The following SPIRE1 variants were observed in gnomAD, a reference collection of about 807,000 sequenced individuals.
The protein encoded by SPIRE1 is spire type actin nucleation factor 1, also known as protein spire homolog 1.
SPIRE1 carries 40 observed loss-of-function variants against 94.1 expected under a neutral mutation model. The observed-to-expected ratio is 0.43, with a 90% CI of 0.33 to 0.55. The LOEUF (loss-of-function observed/expected upper bound fraction) is 0.55. SPIRE1 is among the 20% of genes least tolerant of loss of function. SPIRE1 has a pLI of 0.06. For synonymous variants in SPIRE1, 376 were observed against 371.7 expected (o/e 1.01, Z -0.13); for missense variants, 838 against 975.2 (o/e 0.86, Z 1.87).
chr18:12,634,753 G>A (rs1208882180), intron 2 of SPIRE1, among the ~76,000 whole-genome samples: 3 of 152,030 alleles, frequency 2.0e-5, no homozygotes, highest in Non-Finnish European at 4.4e-5. Flanking sequence ...TGGCCAACAT[G>A]GTGAAACCCC....
intron 2 of SPIRE1, among the ~76,000 whole-genome samples, chr18:12,556,473 T>C (rs2035507650): frequency 6.6e-6 from 1 of 152,238 alleles, no homozygotes; most frequent in South Asian, 2.1e-4. Context: ...ACTTCAAGAA[T>C]GAAGCTGCGG....
intron 4 of SPIRE1, among the ~76,000 whole-genome samples, chr18:12,518,474 A>G (rs1012579615): frequency 6.7e-6 from 1 of 148,186 alleles, no homozygotes; most frequent in African/African-American, 2.4e-5. Flanking sequence ...TCTGGGCAAA[A>G]GAGCAAGACC....
At chr18:12,616,910 A>C (rs2037323619) in intron 2 of SPIRE1, among the ~76,000 whole-genome samples, 1 of 152,044 alleles carries the variant, frequency 6.6e-6, no homozygotes, top group South Asian at 2.1e-4. Flanking sequence ...CCCAGGCTGG[A>C]GTGCAGTGGT....
intron 2 of SPIRE1, among the ~76,000 whole-genome samples, chr18:12,602,105 T>C (rs2036850570): frequency 6.6e-6 from 1 of 152,138 alleles, no homozygotes; most frequent in Admixed American, 6.5e-5. Context: ...TTTACATAAA[T>C]ACATAGACAT....
At chr18:12,615,076 G>C (rs1219252399) in intron 2 of SPIRE1, among the ~76,000 whole-genome samples, 1 of 151,302 alleles carries the variant, frequency 6.6e-6, no homozygotes, top group Admixed American at 6.6e-5. Flanking sequence ...TGTAATCCTA[G>C]CACTTTGGGA....
At chr18:12,652,227 A>G (rs2038399604) in intron 1 of SPIRE1, among the ~76,000 whole-genome samples, 1 of 152,038 alleles carries the variant, frequency 6.6e-6, no homozygotes, top group African/African-American at 2.4e-5. Flanking sequence ...CCTTCTAAAG[A>G]CCCTGTATAC....
At chr18:12,595,231 AG>A (rs1464757807) in intron 2 of SPIRE1, among the ~76,000 whole-genome samples, 2 of 152,198 alleles carry the variant, frequency 1.3e-5, no homozygotes, top group African/African-American at 4.8e-5. Flanking sequence ...ACCTGAGCCC[AG>A]GAAGTTGAGG....
intron 12 of SPIRE1, among the ~76,000 whole-genome samples, chr18:12,460,450 C>T (rs1026122146): frequency 1.3e-5 from 2 of 152,188 alleles, no homozygotes; most frequent in Admixed American, 6.5e-5. Context: ...CAGTGGCTCA[C>T]GCCTGTAATC....
In SPIRE1 at chr18:12,479,866, T is replaced by A; in HGVS notation, c.1237A>T (p.Thr413Ser). 6.2e-7 allele frequency: 1 copy of A among 1,611,818 alleles called. No homozygotes were observed. Among genetic ancestry groups the A allele is most frequent in the Non-Finnish European group, 8.5e-7 (1 of 1,179,440 alleles). Reference sequence around the variant, plus strand: ...AGATTCTTTGTAGATTCAGGGGTAGTCACATCTGGTAAAAAAGCAAAAGCT... The same window carrying A: ...AGATTCTTTGTAGATTCAGGGGTAGACACATCTGGTAAAAAAGCAAAAGCT... ...MSYSFDLSDVTTPESTKNLVE... is the reference protein window; with the variant it reads ...MSYSFDLSDVSTPESTKNLVE... The change falls in exon 10 of 17, where the codon ACT (threonine) becomes TCT (serine). Residue 413 changes from threonine to serine, a missense_variant. Coordinates refer to ENST00000409402, the MANE Select transcript of SPIRE1 (RefSeq NM_001128626.2).
intron 4 of SPIRE1, among the ~76,000 whole-genome samples, chr18:12,532,739 C>G (rs556912408): frequency 2.9e-4 from 44 of 152,290 alleles, no homozygotes; most frequent in African/African-American, 9.9e-4. Context: ...TAAAAATGTT[C>G]TATCATTTCA....
chr18:12,577,013 T>A (rs1412107289), intron 2 of SPIRE1, among the ~76,000 whole-genome samples: 1 of 152,166 alleles, frequency 6.6e-6, no homozygotes, highest in African/African-American at 2.4e-5. Context: ...TAAATGGATT[T>A]TTAATGAAAG....
intron 2 of SPIRE1, among the ~76,000 whole-genome samples, chr18:12,569,067 G>A (rs920661591): frequency 1.3e-5 from 2 of 152,260 alleles, no homozygotes; most frequent in African/African-American, 2.4e-5. Context: ...ATGGCCGGGT[G>A]CGGTGGCTCA....
In SPIRE1 at chr18:12,452,530, A is replaced by G. The variant is rs772312287; in HGVS notation, c.1848-18T>C. 1.2e-6 allele frequency: 2 copies of G among 1,613,712 alleles called. No individual in the cohort carries two copies. Among genetic ancestry groups the G allele is most frequent in the South Asian group, 2.2e-5 (2 of 91,078 alleles). On this transcript the variant is annotated intron_variant, in intron 14 of 16. Transcript: ENST00000409402. ...ACACCGGCCTGTAAACAAAATCATA[A>G]ATGTTATTTGGCATGATACCAGGGG...
chr18:12,483,529 T>C (rs2143791891), intron 9 of SPIRE1, among the ~76,000 whole-genome samples: 2 of 152,338 alleles, frequency 1.3e-5, no homozygotes, highest in South Asian at 4.1e-4. Flanking sequence ...AATATATGTG[T>C]CTGCTGCCTT....
chr18:12,472,606 T>C (rs1715589806), intron 10 of SPIRE1, among the ~76,000 whole-genome samples: 1 of 151,794 alleles, frequency 6.6e-6, no homozygotes, highest in South Asian at 2.1e-4. Context: ...TGGGCTCAAG[T>C]GATCCGCCTG....
chr18:12,628,922 T>A (rs2037704385), intron 2 of SPIRE1, among the ~76,000 whole-genome samples: 1 of 152,208 alleles, frequency 6.6e-6, no homozygotes, highest in South Asian at 2.1e-4. Flanking sequence ...AAACACAGAA[T>A]AGGTACTTAT....
intron 10 of SPIRE1, among the ~76,000 whole-genome samples, chr18:12,469,330 G>T (rs1275686773): frequency 6.6e-6 from 1 of 151,416 alleles, no homozygotes; most frequent in Non-Finnish European, 1.5e-5. Flanking sequence ...AGCCTCCCTA[G>T]TAGCTGGGAT....
At chr18:12,584,256 C>T (rs1429048039) in intron 2 of SPIRE1, among the ~76,000 whole-genome samples, 5 of 151,820 alleles carry the variant, frequency 3.3e-5, no homozygotes, top group Non-Finnish European at 7.4e-5. Flanking sequence ...ATGGTGAAAC[C>T]CCGTCTCTAC....
At chr18:12,565,016 AG>A (rs1315888682) in intron 2 of SPIRE1, among the ~76,000 whole-genome samples, 1 of 152,220 alleles carries the variant, frequency 6.6e-6, no homozygotes, top group Non-Finnish European at 1.5e-5. Context: ...AGATACCTGA[AG>A]GAATAATGAC....
Sources: allele counts gnomAD v4.1 joint callset (sites outside exome capture counted in the v4.1 genomes callset), GRCh38; gene constraint gnomAD v4.1.1; transcripts MANE v1.5; gene names NCBI Gene and HGNC (gene_info 2026-07-23, HGNC 2026-07-21).